The following KRT75 variants were observed in gnomAD, a reference collection of about 807,000 sequenced individuals.
KRT75 encodes the protein keratin, type II cytoskeletal 75.
In KRT75, 35 loss-of-function variants were observed where a neutral mutation model predicts 48.8. That is an observed-to-expected ratio of 0.72 (90% CI 0.55 to 0.95). The LOEUF is 0.95. KRT75 is among the 40% of genes least tolerant of loss of function. The pLI, the probability that KRT75 is intolerant of heterozygous loss-of-function variation, is 0.00. For missense variants in KRT75, 776 were observed against 709.9 expected (o/e 1.09, Z -1.06); for synonymous variants, 301 against 282.3 (o/e 1.07, Z -0.66).
intron 3 of KRT75, 87 bp downstream of exon 3, chr12:52,431,919 G>T: frequency 8.0e-7 from 1 of 1,251,326 alleles, no homozygotes; most frequent in Non-Finnish European, 1.2e-6. Flanking sequence ...GACATTTCTT[G>T]GGTGGCCCAA....
At chr12:52,427,035 A>G (rs1288873985) in intron 7 of KRT75, among the ~76,000 whole-genome samples, 184 bp from the exon 8 acceptor site, 1 of 152,248 alleles carries the variant, frequency 6.6e-6, no homozygotes, top group Non-Finnish European at 1.5e-5. Flanking sequence ...TTAATAATCT[A>G]ATGAATAAAA....
At position 52,428,264 on chromosome 12, in the gene KRT75, C is replaced by T; in HGVS notation, c.1374G>A (p.Glu458=). Reference sequence around the variant, plus strand: ...TGGTGCATCTGCCTCACCTGCACTCCTCGCCTTCCAGCAGCTTGCGGTAGG... The same window carrying T: ...TGGTGCATCTGCCTCACCTGCACTCTTCGCCTTCCAGCAGCTTGCGGTAGG... ...IATYRKLLEG[E]ECRLSGEGVS... The change falls in exon 7 of 9, where the codon GAG becomes GAA. Residue 458 remains glutamate (E), a synonymous_variant. Transcript: ENST00000252245. 2 of 1,614,006 alleles carry T rather than the reference C, an allele frequency of 1.2e-6. No individual in the cohort carries two copies. The highest frequency in any genetic ancestry group is 8.5e-7 in the Non-Finnish European group (1 of 1,180,040).
Position 52,432,015 on chromosome 12 carries a change from G to A in KRT75, c.765C>T (p.Ala255=), listed in dbSNP as rs765605642. Residue 255 remains alanine, a synonymous_variant, in exon 3 of 9, where the codon GCC becomes GCT. Coordinates refer to ENST00000252245, the MANE Select transcript of KRT75 (RefSeq NM_004693.3). ...AAACATCCCCACTCACCTTTTTCAGGGCTACAAATTCATTCTCAGCAGCTG... is the reference window on the plus strand; with the variant it reads ...AAACATCCCCACTCACCTTTTTCAGAGCTACAAATTCATTCTCAGCAGCTG... ...KRTAAENEFV[A]LKKDVDAAYM... The A allele has an allele frequency of 6.8e-6, 11 of 1,613,954 alleles. No homozygotes were observed. Among genetic ancestry groups the A allele is most frequent in the Non-Finnish European group, 8.5e-6 (10 of 1,179,996 alleles).
In KRT75 at chr12:52,433,990, T is replaced by C. The variant is rs763811916; in HGVS notation, c.315A>G (p.Gly105=). 6.2e-7 allele frequency: 1 copy of C among 1,614,112 alleles called. No individual in the cohort carries two copies. The highest frequency in any genetic ancestry group is 1.1e-5 in the South Asian group (1 of 91,076). ...GGAAGCTGGGGCCACTGAAGCCTCC[T>C]CCAACTCCACCCCCATAGCCAAATC... The part of the protein sequence containing the change: ...NSGFGYGGGV[G]GGFSGPSFPV... Residue 105 remains glycine, a synonymous_variant, in exon 1 of 9, where the codon GGA becomes GGG. Transcript: ENST00000252245.
intron 5 of KRT75, among the ~76,000 whole-genome samples, chr12:52,429,533 G>A (rs1030306867): frequency 6.6e-6 from 1 of 152,138 alleles, no homozygotes; most frequent in Non-Finnish European, 1.5e-5. Flanking sequence ...AAGATCTGTG[G>A]GGTTCTTGAA....
intron 8 of KRT75, 84 bp from the exon 9 acceptor site, chr12:52,424,839 T>A: frequency 1.8e-6 from 2 of 1,124,890 alleles, no homozygotes; most frequent in Non-Finnish European, 2.7e-6. Context: ...CCTGGAGTCC[T>A]TGGGTGGGGA....
At chr12:52,428,562 G>C in intron 6 of KRT75, 56 bp downstream of exon 6, 1 of 1,613,934 alleles carries the variant, frequency 6.2e-7, no homozygotes, top group East Asian at 2.2e-5. Context: ...AAAGATGGCA[G>C]AAAGGCCCAG....
rs1000210807 is a variant in KRT75 at position 52,431,973 on chromosome 12, A to G, written c.774+33T>C. On this transcript the variant is annotated intron_variant, in intron 3 of 8. Transcript: ENST00000252245. ...CCCCACACTCCAGATTCCATTTTAA[A>G]CCTTCTCCTTTGAGAGAAACATCCC... is the stretch of plus-strand genomic sequence containing the variant. 3.7e-6 allele frequency: 6 copies of G among 1,609,536 alleles called. No homozygotes were observed. In the African/African-American group the frequency reaches 6.7e-5, roughly 18 times the overall value.
intron 2 of KRT75, among the ~76,000 whole-genome samples, chr12:52,432,604 A>G (rs1314637481): frequency 3.9e-5 from 6 of 152,198 alleles, no homozygotes; most frequent in Admixed American, 3.9e-4. Context: ...TGTGCAGTCA[A>G]AAGTTTCCCC....
Position 52,428,609 on chromosome 12 carries a change from A to C in KRT75, c.1161+9T>G, listed in dbSNP as rs1592162882. 1 of 1,614,210 alleles carries C rather than the reference A, an allele frequency of 6.2e-7. No homozygotes were observed. Among genetic ancestry groups the C allele is most frequent in the Non-Finnish European group, 8.5e-7 (1 of 1,180,046 alleles). On this transcript the variant is annotated intron_variant, in intron 6 of 8. Transcript: ENST00000252245. ...ATTTGAGGAGCTCTTGGCCCTGCCA[A>C]ATCTTTACCTGCTTCTTGACGCTGT...
intron 7 of KRT75, chr12:52,428,052 A>C: frequency 4.5e-6 from 3 of 670,292 alleles, no homozygotes; most frequent in Non-Finnish European, 7.6e-6. Flanking sequence ...TTAGGTTTCT[A>C]TGGGGATGCT....
rs752129023 is a variant in KRT75, at chr12:52,428,391, A to G, written c.1247T>C (p.Leu416Pro). The G allele has an allele frequency of 1.2e-6, 2 of 1,614,168 alleles. No homozygotes were observed. Among genetic ancestry groups the G allele is most frequent in the Non-Finnish European group, 8.5e-7 (1 of 1,180,038 alleles). ...CTTGGCCTTCTGCAGGGCCTCCTCAAGGTCCACCAGCTTGGCCCGTGCATC... is the reference window on the plus strand; with the variant it reads ...CTTGGCCTTCTGCAGGGCCTCCTCAGGGTCCACCAGCTTGGCCCGTGCATC... ...LKDARAKLVD[L>P]EEALQKAKQD... is the part of the protein sequence containing the mutation. Residue 416 changes from leucine to proline, a missense_variant, in exon 7 of 9, where the codon CTT becomes CCT. Transcript: ENST00000252245.
At chr12:52,432,532 A>G (rs1336265529) in intron 2 of KRT75, among the ~76,000 whole-genome samples, 2 of 152,180 alleles carry the variant, frequency 1.3e-5, no homozygotes, top group Non-Finnish European at 2.9e-5. Context: ...CAAGCTGGCT[A>G]ATGGGTTAGT....
In KRT75 at chr12:52,425,398, T is replaced by G. The variant is rs374062075; in HGVS notation, c.1418-643A>C. Among the ~76,000 whole-genome samples the G allele has an allele frequency of 7.2e-4, 110 of 152,336 alleles. 1 individual carries two copies. Among genetic ancestry groups the G allele is most frequent in the African/African-American group, 2.5e-3 (104 of 41,580 alleles). On this transcript the variant is annotated intron_variant, in intron 8 of 8. Coordinates refer to ENST00000252245, the MANE Select transcript of KRT75 (RefSeq NM_004693.3). ...TGTCCTTCAAAAACCTATGGTGAAGTGTTAACACCAGTATCCGTGAATGCA... is the reference window on the plus strand; with the variant it reads ...TGTCCTTCAAAAACCTATGGTGAAGGGTTAACACCAGTATCCGTGAATGCA...
chr12:52,427,460 G>A (rs1013002628), intron 7 of KRT75, among the ~76,000 whole-genome samples: 46 of 152,164 alleles, frequency 3.0e-4, no homozygotes, highest in African/African-American at 8.7e-4. Flanking sequence ...ACCCCATGAG[G>A]TAGGTATTAT....
Position 52,433,817 on chromosome 12 carries a change from A to T in KRT75, c.488T>A (p.Phe163Tyr). The T allele has an allele frequency of 6.2e-7, 1 of 1,614,166 alleles. No homozygotes were observed. The highest frequency in any genetic ancestry group is 8.5e-7 in the Non-Finnish European group (1 of 1,180,012). The change falls in exon 1 of 9, where the codon TTC (phenylalanine) becomes TAC (tyrosine). Residue 163 changes from phenylalanine to tyrosine, a missense_variant. Phe to Tyr is a conservative substitution (Grantham distance 22). Coordinates refer to ENST00000252245, the MANE Select transcript of KRT75 (RefSeq NM_004693.3). ...IKTLNNKFAS[F>Y]IDKVRFLEQQ... ...GAAGCCCCTGCTTACCTTGTCGATG[A>T]AGGAGGCGAACTTATTGTTGAGGGT...
At chr12:52,428,109 A>T (rs1940095608) in intron 7 of KRT75, 147 bp downstream of exon 7, 1 of 1,006,594 alleles carries the variant, frequency 9.9e-7, no homozygotes, top group African/African-American at 1.6e-5. Context: ...AAGGAAATTA[A>T]AATTATTTTT....
At position 52,433,251 on chromosome 12, in the gene KRT75, A is replaced by T; in HGVS notation, c.500T>A (p.Val167Glu). Residue 167 changes from valine to glutamate, a missense_variant and splice_region_variant, in exon 2 of 9, where the codon GTG becomes GAG. Val to Glu is a moderately radical substitution (Grantham distance 121). Transcript: ENST00000252245. ...CTTGTTCTGCTGCTCCAAGAACCTC[A>T]CCTGGAGGGAAGAAGAGAGAATGAA... is the stretch of plus-strand genomic sequence containing the variant. ...NNKFASFIDK[V>E]RFLEQQNKVL... is the part of the protein sequence containing the mutation. 1 of 1,613,062 alleles carries T rather than the reference A, an allele frequency of 6.2e-7. No individual in the cohort carries two copies. Among genetic ancestry groups the T allele is most frequent in the Middle Eastern group, 1.7e-4 (1 of 5,966 alleles).
In KRT75 at chr12:52,426,843, C is replaced by G. The variant is rs1290114213; in HGVS notation, c.1391G>C (p.Gly464Ala). 6.2e-7 allele frequency: 1 copy of G among 1,614,004 alleles called. No individual in the cohort carries two copies. The highest frequency in any genetic ancestry group is 1.3e-5 in the African/African-American group (1 of 74,930). ...LLEGEECRLS[G>A]EGVSPVNISV... ...AATGTTAACTGGAGAAACTCCCTCT[C>G]CACTCAACCTGATTGGGAAGAGCAG... The change falls in exon 8 of 9, where the codon GGA (glycine) becomes GCA (alanine). Residue 464 changes from glycine (G) to alanine (A), a missense_variant. Gly to Ala is a moderately conservative substitution (Grantham distance 60). Coordinates refer to ENST00000252245, the MANE Select transcript of KRT75 (RefSeq NM_004693.3).
Sources: allele counts gnomAD v4.1 joint callset (sites outside exome capture counted in the v4.1 genomes callset), GRCh38; gene constraint gnomAD v4.1.1; transcripts MANE v1.5; gene names NCBI Gene and HGNC (gene_info 2026-07-23, HGNC 2026-07-21).